Variants in BBS7 observed in about 807,000 individuals in gnomAD.
The protein encoded by BBS7 is Bardet-Biedl syndrome 7.
A neutral mutation model predicts 90.3 loss-of-function variants in BBS7; 50 were observed. The ratio of observed to expected loss-of-function variants is 0.55; its 90% CI spans 0.44 to 0.70. The LOEUF (loss-of-function observed/expected upper bound fraction) is 0.70. Ranked by LOEUF, BBS7 falls within the 30% of genes least tolerant of loss-of-function variation. The pLI, the probability that BBS7 is intolerant of heterozygous loss-of-function variation, is 0.00. For missense variants in BBS7, 729 were observed against 838.9 expected (o/e 0.87, Z 1.62); for synonymous variants, 235 against 287.4 (o/e 0.82, Z 1.85).
At chr4:121,842,726 A>G (rs1374728785) in intron 12 of BBS7, among the ~76,000 whole-genome samples, 1 of 152,210 alleles carries the variant, frequency 6.6e-6, no homozygotes, top group Non-Finnish European at 1.5e-5. Flanking sequence ...ATATATTAAT[A>G]TAACTAACCA....
At chr4:121,849,538 C>T (rs1726198529) in intron 8 of BBS7, among the ~76,000 whole-genome samples, 2 of 151,960 alleles carry the variant, frequency 1.3e-5, no homozygotes, top group South Asian at 2.1e-4. Flanking sequence ...TAAAAACTTA[C>T]ATAAGCAAGG....
intron 15 of BBS7, 132 bp from the exon 16 acceptor site, chr4:121,828,860 A>G: frequency 1.8e-6 from 1 of 542,338 alleles, no homozygotes; most frequent in South Asian, 3.3e-5. Context: ...ATATATCATT[A>G]ATATAAAGCA....
Position 121,859,096 on chromosome 4 carries a change from G to C in BBS7, c.424C>G (p.Leu142Val). 1 of 1,613,698 alleles carries C rather than the reference G, an allele frequency of 6.2e-7. No homozygotes were observed. Among genetic ancestry groups the C allele is most frequent in the Non-Finnish European group, 8.5e-7 (1 of 1,179,760 alleles). The change falls in exon 5 of 19, where the codon CTT (leucine) becomes GTT (valine). Residue 142 changes from leucine to valine, a missense_variant. Coordinates refer to ENST00000264499, the MANE Select transcript of BBS7 (RefSeq NM_176824.3). ...YCDCKDQHYY[L>V]SGDKINDVIC... ...ACATCATTGATTTTATCCCCAGAAA[G>C]GTAATAATGTTGGTCTTTGCAGTCA...
At chr4:121,870,196 G>A (rs1727509274) in intron 1 of BBS7, 82 bp downstream of exon 1, 9 of 1,583,282 alleles carry the variant, frequency 5.7e-6, no homozygotes, top group African/African-American at 1.3e-5. Flanking sequence ...TGGCGACCGA[G>A]ACTTTCGTCA....
At chr4:121,856,475 C>T (rs1037618867) in intron 5 of BBS7, among the ~76,000 whole-genome samples, 3 of 151,906 alleles carry the variant, frequency 2.0e-5, no homozygotes, top group Admixed American at 6.6e-5. Flanking sequence ...CCAGCACTTC[C>T]GGAGGCCAAG....
At chr4:121,839,811 G>T (rs1417630058) in intron 12 of BBS7, 115 bp from the exon 13 acceptor site, 25 of 884,734 alleles carry the variant, frequency 2.8e-5, no homozygotes, top group Non-Finnish European at 4.6e-5. Flanking sequence ...TTGGTGCTCA[G>T]CGCTTTTCAA....
chr4:121,862,041 T>C (rs181076929), intron 3 of BBS7, among the ~76,000 whole-genome samples: 13 of 152,300 alleles, frequency 8.5e-5, no homozygotes, highest in Admixed American at 3.9e-4. Flanking sequence ...CTATGCCTAC[T>C]GAAGTTTTAG....
chr4:121,861,287 A>C (rs1726964767), intron 4 of BBS7: 1 of 397,292 alleles, frequency 2.5e-6, no homozygotes, highest in South Asian at 4.9e-5. Context: ...CCAAGTTGTC[A>C]AAAATGATTG....
chr4:121,839,731 TC>T, intron 12 of BBS7, 35 bp from the exon 13 acceptor site: 1 of 1,568,334 alleles, frequency 6.4e-7, no homozygotes, highest in Non-Finnish European at 8.8e-7. Context: ...AAAGAATGAA[TC>T]CATGTTTTTA....
rs1232714955 is a variant in BBS7, at chr4:121,863,110, C to A, written c.165+107G>T. On this transcript the variant is annotated intron_variant, in intron 3 of 18. Transcript: ENST00000264499. ...TCACATAACTACTTACCTCAGAACC[C>A]ATTTTCCATTACCTGTATTTTAGGA... The A allele has an allele frequency of 1.4e-5, 15 of 1,048,896 alleles. No homozygotes were observed. In the East Asian group the frequency reaches 3.6e-4, roughly 25 times the overall value. 65.0% of individuals were successfully genotyped at this position (1,048,896 alleles called of 1,614,324 possible).
chr4:121,857,808 CT>C (rs5861541), intron 5 of BBS7, among the ~76,000 whole-genome samples: 21 of 132,358 alleles, frequency 1.6e-4, no homozygotes, highest in Middle Eastern at 4.0e-3. Flanking sequence ...TTTTTCTTTT[CT>C]TTTTTTTTTT....
Position 121,870,280 on chromosome 4 carries a change from G to A in BBS7, c.34C>T (p.Gln12Ter). 1 of 1,614,182 alleles carries A rather than the reference G, an allele frequency of 6.2e-7. No individual in the cohort carries two copies. Among genetic ancestry groups the A allele is most frequent in the South Asian group, 1.1e-5 (1 of 91,090 alleles). ...CCCGCCCTATCCCTTGGGTTTACCT[G>A]CAGATAATCCATTCGGTTTAAAATC... ...DLILNRMDYL[Q>*]VGVTSQKTMK... Residue 12 changes from glutamine (Q) to a stop codon, truncating the protein, a stop_gained and splice_region_variant, in exon 1 of 19, where the codon CAG becomes TAG. Transcript: ENST00000264499. LOFTEE classifies it high-confidence loss of function.
chr4:121,844,728 T>C (rs1207798679), intron 11 of BBS7, among the ~76,000 whole-genome samples: 3 of 152,204 alleles, frequency 2.0e-5, no homozygotes, highest in Non-Finnish European at 4.4e-5. Flanking sequence ...AATGGAGTCA[T>C]ATATTATTAT....
intron 2 of BBS7, among the ~76,000 whole-genome samples, chr4:121,867,088 T>C (rs1380699016): frequency 6.6e-6 from 1 of 152,206 alleles, no homozygotes; most frequent in African/African-American, 2.4e-5. Context: ...TTTGTTGGTA[T>C]CCTCTTTAAT....
At position 121,855,494 on chromosome 4, in the gene BBS7, T is replaced by C; in HGVS notation, c.596A>G (p.Asn199Ser). The C allele has an allele frequency of 6.2e-7, 1 of 1,613,266 alleles. No homozygotes were observed. Among genetic ancestry groups the C allele is most frequent in the East Asian group, 2.2e-5 (1 of 44,818 alleles). The change falls in exon 6 of 19, where the codon AAT becomes AGT. Residue 199 changes from asparagine to serine, a missense_variant. Transcript: ENST00000264499. ...AAAAATAAAATCCTGATTACCGCCA[T>C]TTCCATTGTGTAGTGCTAAGACAGT... ...PPTVLALHNG[N>S]GGDSGEDLLF... is the part of the protein sequence containing the mutation.
chr4:121,828,507 TAGA>T lies in BBS7; in HGVS notation c.1787-5_1787-3del. The stretch of plus-strand genomic sequence containing the variant: ...GTTTGACTGATACTTCATTTATCTC[TAGA>T]AGGAGTTGACCAGATGCAGTTAGAT... On this transcript the variant is annotated splice_region_variant and splice_polypyrimidine_tract_variant and intron_variant, in intron 16 of 18. Transcript: ENST00000264499. 2 of 1,609,604 alleles carry T rather than the reference TAGA, an allele frequency of 1.2e-6. No homozygotes were observed. The highest frequency in any genetic ancestry group is 1.7e-6 in the Non-Finnish European group (2 of 1,175,974).
intron 8 of BBS7, among the ~76,000 whole-genome samples, chr4:121,849,554 C>A (rs543029682): frequency 6.7e-6 from 1 of 150,168 alleles, no homozygotes; most frequent in Non-Finnish European, 1.5e-5. Flanking sequence ...CAAGGCTGGG[C>A]GCGGTGGCTC....
rs58447565 is a variant in BBS7 at position 121,835,492 on chromosome 4, A to G, written c.1372-209T>C. 5.6e-3 allele frequency among the ~76,000 whole-genome samples: 853 copies of G among 152,222 alleles called. 8 individuals are homozygous for G. The highest frequency in any genetic ancestry group is 0.02 in the African/African-American group (823 of 41,550). On this transcript the variant is annotated intron_variant, in intron 13 of 18. Coordinates refer to ENST00000264499, the MANE Select transcript of BBS7 (RefSeq NM_176824.3). ...ACTGTAGTACATCTTGTACTACACA[A>G]AGGTAACTTCTCTAATCTAATTAAT...
In BBS7 at chr4:121,835,303, G is replaced by A. The variant is rs750993999; in HGVS notation, c.1372-20C>T. ...GCGAATCTGATTCAACACAAAAGAG[G>A]AAATAAAATAAGAATATTTAGCAAC... On this transcript the variant is annotated intron_variant, in intron 13 of 18. Transcript: ENST00000264499. 9 of 1,612,880 alleles carry A rather than the reference G, an allele frequency of 5.6e-6. No homozygotes were observed. In the African/African-American group the frequency reaches 1.1e-4, roughly 19 times the overall value.
Sources: allele counts gnomAD v4.1 joint callset (sites outside exome capture counted in the v4.1 genomes callset), GRCh38; gene constraint gnomAD v4.1.1; transcripts MANE v1.5; gene names NCBI Gene and HGNC (gene_info 2026-07-23, HGNC 2026-07-21).